The following GPM6A variants were observed in gnomAD, a reference collection of about 807,000 sequenced individuals.
GPM6A encodes the protein glycoprotein M6A, also known as neuronal membrane glycoprotein M6-a.
Under a neutral mutation model 32.1 loss-of-function variants are expected in GPM6A, and 7 were observed. The observed-to-expected ratio is 0.22, with a 90% CI of 0.12 to 0.41. GPM6A has a LOEUF of 0.41. Among genes scored for constraint, GPM6A ranks in the 10% least tolerant of loss-of-function variants. GPM6A has a pLI of 1.00. For synonymous variants in GPM6A, 130 were observed against 123.4 expected, an observed-to-expected ratio of 1.05 and a Z score of -0.35; for missense variants, 235 against 347.2, an observed-to-expected ratio of 0.68 and a Z score of 2.57.
intron 1 of GPM6A, among the ~76,000 whole-genome samples, chr4:175,861,176 A>G (rs1736562083): frequency 6.6e-6 from 1 of 152,124 alleles, no homozygotes; most frequent in Admixed American, 6.5e-5. Context: ...AAAGAAATTA[A>G]AGGCACAAAT....
Position 175,931,372 on chromosome 4 carries a change from A to G in GPM6A, c.-23+70937T>C, listed in dbSNP as rs190546433. Among the ~76,000 whole-genome samples the G allele has an allele frequency of 4.2e-4, 64 of 152,244 alleles. 1 individual carries two copies. The highest frequency in any genetic ancestry group is 1.4e-3 in the African/African-American group (60 of 41,568). ...AAAGGTTTTTCTAAAACACTTTTTG[A>G]CACTTTTTGCCTTGCAGTGTAGAAG... On this transcript the variant is annotated intron_variant, in intron 1 of 7. Transcript: ENST00000280187.
At chr4:175,930,885 C>T (rs959389497) in intron 1 of GPM6A, among the ~76,000 whole-genome samples, 1 of 152,014 alleles carries the variant, frequency 6.6e-6, no homozygotes, top group Non-Finnish European at 1.5e-5. Context: ...GACATTTACA[C>T]GATACCTGGC....
At chr4:175,752,126 T>TCTGGTCTAC (rs1380717198) in intron 1 of GPM6A, among the ~76,000 whole-genome samples, 1 of 152,198 alleles carries the variant, frequency 6.6e-6, no homozygotes, top group African/African-American at 2.4e-5. Flanking sequence ...ACTAATTCAG[T>TCTGGTCTAC]CTGGTCTACC....
intron 1 of GPM6A, among the ~76,000 whole-genome samples, chr4:175,880,795 T>C (rs1737248715): frequency 6.6e-6 from 1 of 152,184 alleles, no homozygotes. Context: ...GCTGAGACGA[T>C]GGGGTTTTCT....
chr4:175,687,477 T>C (rs1725038236), intron 2 of GPM6A, among the ~76,000 whole-genome samples: 1 of 151,876 alleles, frequency 6.6e-6, no homozygotes, highest in Admixed American at 6.6e-5. Flanking sequence ...CTTGAACTTC[T>C]TCCATCTAGT....
At chr4:175,813,099 A>G, upstream of GPM6A, 1 of 981,026 alleles carries the variant, frequency 1.0e-6, no homozygotes, top group Non-Finnish European at 1.2e-6. Context: ...AAACCACTGG[A>G]AGGAAAAACC....
At chr4:175,913,086 G>A (rs924078946) in intron 1 of GPM6A, among the ~76,000 whole-genome samples, 120 of 152,184 alleles carry the variant, frequency 7.9e-4, no homozygotes, top group African/African-American at 2.7e-3. Flanking sequence ...GCATGAGTAA[G>A]ATTATAGACA....
intron 1 of GPM6A, among the ~76,000 whole-genome samples, chr4:175,905,327 G>T (rs1176797276): frequency 6.6e-6 from 1 of 152,130 alleles, no homozygotes; most frequent in African/African-American, 2.4e-5. Context: ...GGCTTTGAAT[G>T]CAGCCCAACA....
chr4:175,708,907 T>C (rs532290414), intron 1 of GPM6A, among the ~76,000 whole-genome samples: 2 of 152,320 alleles, frequency 1.3e-5, no homozygotes, highest in East Asian at 3.9e-4. Context: ...AAAGTTGTAA[T>C]TACCTGCACA....
chr4:175,974,457 G>A (rs992095087), intron 1 of GPM6A, among the ~76,000 whole-genome samples: 7 of 152,148 alleles, frequency 4.6e-5, no homozygotes, highest in African/African-American at 1.7e-4. Context: ...CCGGGTTCAA[G>A]CGATTCTCCA....
At chr4:175,875,599 C>T (rs550003761) in intron 1 of GPM6A, among the ~76,000 whole-genome samples, 1 of 152,126 alleles carries the variant, frequency 6.6e-6, no homozygotes, top group South Asian at 2.1e-4. Flanking sequence ...AACTATGATA[C>T]TTTCCAAAAG....
At chr4:175,867,922 T>G (rs1466217003) in intron 1 of GPM6A, among the ~76,000 whole-genome samples, 2 of 152,230 alleles carry the variant, frequency 1.3e-5, no homozygotes, top group Non-Finnish European at 2.9e-5. Context: ...AAGAACAAAG[T>G]GCTCTCATGT....
At chr4:175,738,057 C>T (rs530954808) in intron 1 of GPM6A, among the ~76,000 whole-genome samples, 1 of 152,162 alleles carries the variant, frequency 6.6e-6, no homozygotes, top group Non-Finnish European at 1.5e-5. Context: ...CCTGCCTCAG[C>T]CTCCCGAATA....
chr4:175,742,818 G>A lies in GPM6A; in HGVS notation c.38-41051C>T, dbSNP rs117322702. On this transcript the variant is annotated intron_variant, in intron 1 of 6. Transcript: ENST00000393658. ...AGAGCCCTAAATATGTTGAGAATAC[G>A]AACGATGAAAGTCAAAGACATGATC... is the stretch of plus-strand genomic sequence containing the variant. Among the ~76,000 whole-genome samples, 387 of 152,056 alleles carry A rather than the reference G, an allele frequency of 2.5e-3. 6 individuals carry two copies. The East Asian group carries it at 0.026, about 10-fold the overall frequency.
chr4:175,934,813 C>T (rs1168283389), intron 1 of GPM6A, among the ~76,000 whole-genome samples: 1 of 152,070 alleles, frequency 6.6e-6, no homozygotes, highest in Non-Finnish European at 1.5e-5. Context: ...AATTGTATAA[C>T]AAATCAATTG....
chr4:175,976,328 A>ATTTTT (rs34163669), intron 1 of GPM6A, among the ~76,000 whole-genome samples: 11 of 137,336 alleles, frequency 8.0e-5, no homozygotes, highest in African/African-American at 2.7e-4. Context: ...CGCCTGGCTA[A>ATTTTT]TTTTTTTTTT....
chr4:175,947,537 T>C (rs1406442592), intron 1 of GPM6A: 1 of 152,106 alleles, frequency 6.6e-6, no homozygotes, highest in Non-Finnish European at 1.5e-5. Flanking sequence ...CAAGATAAAA[T>C]ATTATAAAAG....
Position 175,897,540 on chromosome 4 carries a change from C to G in GPM6A, c.-22-85291G>C, listed in dbSNP as rs139197188. ...TAAGAATTCTCAATACAACATAGGA[C>G]AGGATTCTACTCATTTATTGCACAA... On this transcript the variant is annotated intron_variant, in intron 1 of 7. Coordinates refer to the GPM6A transcript ENST00000280187. Among the ~76,000 whole-genome samples the G allele has an allele frequency of 7.0e-3, 1,065 of 152,276 alleles. 14 individuals carry two copies. The highest frequency in any genetic ancestry group is 0.024 in the African/African-American group (999 of 41,560).
chr4:175,668,539 G>T (rs1010259040), intron 3 of GPM6A, among the ~76,000 whole-genome samples: 1 of 151,682 alleles, frequency 6.6e-6, no homozygotes, highest in African/African-American at 2.4e-5. Flanking sequence ...GTGTGTGTGT[G>T]TGTTTATTTT....
Sources: allele counts gnomAD v4.1 joint callset (sites outside exome capture counted in the v4.1 genomes callset), GRCh38; gene constraint gnomAD v4.1.1; transcripts MANE v1.5; gene names NCBI Gene and HGNC (gene_info 2026-07-23, HGNC 2026-07-21).